Variants in SLC24A2 observed in about 807,000 individuals in gnomAD.
The protein encoded by SLC24A2 is solute carrier family 24 member 2.
Under a neutral mutation model 62.0 loss-of-function variants are expected in SLC24A2, and 36 were observed. That is an observed-to-expected ratio of 0.58 (90% confidence interval 0.44 to 0.77). The LOEUF is 0.77. Ranked by LOEUF, SLC24A2 falls within the 30% of genes least tolerant of loss-of-function variation. The pLI is 0.00. For synonymous variants in SLC24A2, 358 were observed against 294.0 expected (o/e 1.22, Z -2.23); for missense variants, 846 against 817.9 (o/e 1.03, Z -0.42).
chr9:20,010,030 A>G, the SLC24A2 span, among the ~76,000 whole-genome samples: 304 of 152,286 alleles, frequency 2.0e-3, 1 homozygote, highest in Middle Eastern at 0.014. Flanking sequence ...ACCCTGCCCA[A>G]TCAGATATAA....
chr9:19,918,033 G>A, the SLC24A2 span, among the ~76,000 whole-genome samples: 1 of 151,476 alleles, frequency 6.6e-6, no homozygotes, highest in African/African-American at 2.4e-5. Context: ...TCTATTCCTG[G>A]TTTACTAAAT....
upstream of SLC24A2, among the ~76,000 whole-genome samples, chr9:19,793,859 T>C (rs1336095010): frequency 1.3e-5 from 2 of 152,210 alleles, no homozygotes; most frequent in East Asian, 1.9e-4. Flanking sequence ...TCAAGGATAG[T>C]TGTCTACTTC....
chr9:19,659,977 C>T (rs4407984), intron 2 of SLC24A2, among the ~76,000 whole-genome samples: 13,541 of 152,188 alleles, frequency 0.089, 992 homozygotes, highest in African/African-American at 0.2. Context: ...GAGAGACTTA[C>T]GAGGGGACCA....
the SLC24A2 span, among the ~76,000 whole-genome samples, chr9:19,822,031 T>C: frequency 2.6e-5 from 4 of 152,148 alleles, no homozygotes; most frequent in African/African-American, 9.7e-5. Context: ...GCATCATCTA[T>C]AGCAGTGGTT....
chr9:19,820,042 C>A, the SLC24A2 span, among the ~76,000 whole-genome samples: 1 of 32,886 alleles, frequency 3.0e-5, no homozygotes, highest in African/African-American at 6.9e-5. Context: ...TATATATATA[C>A]ATATATATAT....
At chr9:19,918,086 C>T in the SLC24A2 span, among the ~76,000 whole-genome samples, 1 of 151,580 alleles carries the variant, frequency 6.6e-6, no homozygotes, top group Admixed American at 6.6e-5. Flanking sequence ...TTATTACAAT[C>T]TTGTCATTAT....
intron 2 of SLC24A2, among the ~76,000 whole-genome samples, chr9:19,685,970 G>C (rs947175677): frequency 2.0e-5 from 3 of 152,046 alleles, no homozygotes; most frequent in African/African-American, 7.2e-5. Flanking sequence ...ACTATCAACA[G>C]AGTAAACAGA....
chr9:20,102,647 C>T, the SLC24A2 span, among the ~76,000 whole-genome samples: 6 of 150,534 alleles, frequency 4.0e-5, no homozygotes, highest in African/African-American at 1.5e-4. Flanking sequence ...TATAATAATA[C>T]TTTTTAAAAT....
At chr9:19,630,572 AG>A (rs1441362941) in intron 2 of SLC24A2, among the ~76,000 whole-genome samples, 1 of 152,180 alleles carries the variant, frequency 6.6e-6, no homozygotes, top group Non-Finnish European at 1.5e-5. Flanking sequence ...TCATTAATAT[AG>A]CAGATTAATT....
the SLC24A2 span, among the ~76,000 whole-genome samples, chr9:20,144,795 A>G: frequency 1.3e-5 from 2 of 152,074 alleles, no homozygotes; most frequent in African/African-American, 4.8e-5. Context: ...TATATTCTGC[A>G]TTCATTCATA....
the SLC24A2 span, among the ~76,000 whole-genome samples, chr9:19,883,886 G>C: frequency 1.3e-5 from 2 of 152,078 alleles, no homozygotes; most frequent in African/African-American, 4.8e-5. Flanking sequence ...GTTCTAATAT[G>C]TACCATATAT....
At chr9:19,649,001 C>CAAAAAAAAA (rs66653116) in intron 2 of SLC24A2, among the ~76,000 whole-genome samples, 1,692 of 106,334 alleles carry the variant, frequency 0.016, 4 homozygotes, top group East Asian at 0.031. Flanking sequence ...GATTAAAAAC[C>CAAAAAAAAA]AAAAAAAAAA....
the SLC24A2 span, among the ~76,000 whole-genome samples, chr9:19,841,306 G>A: frequency 6.6e-6 from 1 of 152,132 alleles, no homozygotes; most frequent in South Asian, 2.1e-4. Context: ...GGGAGTGTGA[G>A]GTGTCCAGGG....
the SLC24A2 span, among the ~76,000 whole-genome samples, chr9:20,093,498 G>C: frequency 6.6e-6 from 1 of 152,086 alleles, no homozygotes; most frequent in South Asian, 2.1e-4. Flanking sequence ...TGAAATATTT[G>C]TCTTTTAATA....
At chr9:20,049,222 AT>A in the SLC24A2 span, among the ~76,000 whole-genome samples, 1 of 152,168 alleles carries the variant, frequency 6.6e-6, no homozygotes, top group South Asian at 2.1e-4. Flanking sequence ...ATTCTTTTCT[AT>A]TTTGTAATGG....
chr9:20,092,875 G>T, the SLC24A2 span, among the ~76,000 whole-genome samples: 1 of 152,110 alleles, frequency 6.6e-6, no homozygotes. Context: ...ACTCATAGAA[G>T]AAGAAAGTAG....
chr9:20,097,498 A>G, the SLC24A2 span, among the ~76,000 whole-genome samples: 2 of 152,106 alleles, frequency 1.3e-5, no homozygotes, highest in African/African-American at 4.8e-5. Context: ...ATAGACACTA[A>G]TAGTCACTTT....
chr9:19,728,460 G>A (rs1288001276), intron 2 of SLC24A2, among the ~76,000 whole-genome samples: 4 of 151,856 alleles, frequency 2.6e-5, no homozygotes, highest in Admixed American at 6.6e-5. Context: ...CAGGGCTTCA[G>A]GTCGGTAATG....
At chr9:20,212,692 C>T in the SLC24A2 span, among the ~76,000 whole-genome samples, 2 of 151,646 alleles carry the variant, frequency 1.3e-5, no homozygotes, top group African/African-American at 4.9e-5. Flanking sequence ...GAGTGATTTA[C>T]TAACTATCTA....
Sources: gnomAD v4.1 joint callset for allele counts (sites outside exome capture counted in the v4.1 genomes callset) on GRCh38, gnomAD v4.1.1 for gene constraint, MANE v1.5 for transcripts, NCBI Gene and HGNC (gene_info 2026-07-23, HGNC 2026-07-21) for gene names.